The following TOX2 variants were observed in gnomAD, a reference collection of about 807,000 sequenced individuals.
TOX2 encodes TOX high mobility group box family member 2, also known as granulosa cell HMG box 1.
In TOX2, 15 loss-of-function variants were observed where a neutral mutation model predicts 47.4. The ratio of observed to expected loss-of-function variants is 0.32; its 90% CI spans 0.21 to 0.49. The LOEUF is 0.49. Ranked by LOEUF, TOX2 falls within the 20% of genes least tolerant of loss-of-function variation. TOX2 has a pLI of 0.99. For missense variants in TOX2, 622 were observed against 673.1 expected, an observed-to-expected ratio of 0.92 and a Z score of 0.84; for synonymous variants, 290 against 296.6, an observed-to-expected ratio of 0.98 and a Z score of 0.23.
intron 1 of TOX2, among the ~76,000 whole-genome samples, chr20:43,963,101 G>T (rs140250197): frequency 1.3e-5 from 2 of 152,168 alleles, no homozygotes; most frequent in East Asian, 3.9e-4. Flanking sequence ...GAAGCCACGT[G>T]TGGTAAGCGG....
At chr20:43,924,779 T>A (rs2069146890) in intron 1 of TOX2, among the ~76,000 whole-genome samples, 2 of 152,222 alleles carry the variant, frequency 1.3e-5, no homozygotes, top group African/African-American at 2.4e-5. Context: ...TTTTATTTTT[T>A]AAAAATTGAT....
chr20:44,036,994 G>A (rs964764618), intron 3 of TOX2, among the ~76,000 whole-genome samples: 9 of 151,964 alleles, frequency 5.9e-5, no homozygotes, highest in Non-Finnish European at 8.8e-5. Flanking sequence ...TCGCTCTGTC[G>A]CCCAGGCTGG....
chr20:44,063,256 C>T lies in TOX2; in HGVS notation c.880-1521C>T, dbSNP rs150703369. Among the ~76,000 whole-genome samples the T allele has an allele frequency of 4.1e-3, 620 of 152,196 alleles. 4 individuals are homozygous for T. The highest frequency in any genetic ancestry group is 0.014 in the African/African-American group (595 of 41,532). ...ATACTTTCGACAAAGGACTAATATC[C>T]AGAATCTACAAAGGAACTCAAATCA... On this transcript the variant is annotated intron_variant, in intron 5 of 8. Coordinates refer to ENST00000341197, the MANE Select transcript of TOX2 (RefSeq NM_001098797.2).
chr20:43,954,508 T>C (rs780631331), intron 1 of TOX2, among the ~76,000 whole-genome samples: 1 of 152,200 alleles, frequency 6.6e-6, no homozygotes, highest in Non-Finnish European at 1.5e-5. Flanking sequence ...GGAGCTGGTA[T>C]GAAGGGGGCA....
At chr20:44,036,024 T>C (rs574645547) in intron 3 of TOX2, among the ~76,000 whole-genome samples, 1 of 152,300 alleles carries the variant, frequency 6.6e-6, no homozygotes, top group East Asian at 1.9e-4. Flanking sequence ...CATCAGTGAA[T>C]GTAGACCACC....
intron 1 of TOX2, among the ~76,000 whole-genome samples, chr20:43,925,261 C>T (rs75618361): frequency 6.6e-6 from 1 of 151,610 alleles, no homozygotes; most frequent in Admixed American, 6.6e-5. Context: ...GGGAGGGGGG[C>T]ATCTAGATCT....
chr20:43,931,756 G>C (rs1047701298), intron 1 of TOX2, among the ~76,000 whole-genome samples: 5 of 152,228 alleles, frequency 3.3e-5, no homozygotes, highest in Admixed American at 6.5e-5. Context: ...CTGTGGCTCA[G>C]GGGAGAATTG....
chr20:44,059,955 TACAGAATG>T (rs1031093527), intron 5 of TOX2, among the ~76,000 whole-genome samples: 35 of 152,140 alleles, frequency 2.3e-4, no homozygotes, highest in African/African-American at 8.4e-4. Context: ...CACTTAAAAA[TACAGAATG>T]GCAGAATGAA....
chr20:44,043,779 A>G (rs1374963738), intron 3 of TOX2, among the ~76,000 whole-genome samples: 3 of 152,252 alleles, frequency 2.0e-5, no homozygotes, highest in Non-Finnish European at 4.4e-5. Context: ...AAGCATGCCA[A>G]AAATTTATTT....
At chr20:44,042,700 T>G (rs1166135952) in intron 3 of TOX2, among the ~76,000 whole-genome samples, 1 of 152,186 alleles carries the variant, frequency 6.6e-6, no homozygotes, top group Non-Finnish European at 1.5e-5. Context: ...AAAGAAACTT[T>G]GAGACTCAAA....
intron 2 of TOX2, among the ~76,000 whole-genome samples, chr20:43,991,613 TC>T (rs2145550141): frequency 9.6e-6 from 1 of 104,448 alleles, no homozygotes; most frequent in East Asian, 2.8e-4. Flanking sequence ...CAGGCAATAA[TC>T]ATTATTATTA....
intron 5 of TOX2, among the ~76,000 whole-genome samples, chr20:44,060,203 G>T (rs1423936604): frequency 6.6e-6 from 1 of 152,018 alleles, no homozygotes; most frequent in Non-Finnish European, 1.5e-5. Flanking sequence ...AAAATATCAC[G>T]ATCCTAAATT....
rs778012248 is a variant in TOX2, at chr20:44,066,006, C to G, written c.1255C>G (p.Pro419Ala). The G allele has an allele frequency of 1.6e-5, 25 of 1,612,568 alleles. 1 individual carries two copies. In the Admixed American group the frequency reaches 3.7e-4, roughly 24 times the overall value. Residue 419 changes from proline to alanine, a missense_variant, in exon 7 of 9, where the codon CCA (proline) becomes GCA (alanine). Transcript: ENST00000341197. The part of the protein sequence containing the change: ...PPHAQGALLS[P>A]PVSMSPAPQP... ...TCACGCCCAGGGCGCCCTCCTCAGT[C>G]CACCTGTTAGCATGTCCCCAGCCCC...
At chr20:44,017,403 G>T (rs746198937) in intron 3 of TOX2, among the ~76,000 whole-genome samples, 4 of 152,166 alleles carry the variant, frequency 2.6e-5, no homozygotes, top group Non-Finnish European at 5.9e-5. Flanking sequence ...TGTCAACCCG[G>T]CTTTCCCTGG....
chr20:43,956,710 C>T (rs1479726466), intron 1 of TOX2, among the ~76,000 whole-genome samples: 1 of 152,152 alleles, frequency 6.6e-6, no homozygotes, highest in Admixed American at 6.5e-5. Flanking sequence ...TAAGAGTGGC[C>T]ACCATATTGT....
At chr20:43,988,785 G>A (rs956652044) in intron 2 of TOX2, among the ~76,000 whole-genome samples, 2 of 152,188 alleles carry the variant, frequency 1.3e-5, no homozygotes, top group African/African-American at 4.8e-5. Context: ...ATTCACAGGT[G>A]TAGGCACATA....
At chr20:43,924,724 C>G (rs1249881938) in intron 1 of TOX2, among the ~76,000 whole-genome samples, 1 of 152,240 alleles carries the variant, frequency 6.6e-6, no homozygotes, top group Non-Finnish European at 1.5e-5. Flanking sequence ...CCAACTGCAC[C>G]TCATTTTTCT....
intron 3 of TOX2, among the ~76,000 whole-genome samples, chr20:44,036,966 C>A (rs1358852710): frequency 6.6e-6 from 1 of 152,150 alleles, no homozygotes; most frequent in African/African-American, 2.4e-5. Flanking sequence ...CTCTTCTTTT[C>A]TTTTTTGAGA....
chr20:44,062,505 C>T (rs988862831), intron 5 of TOX2, among the ~76,000 whole-genome samples: 4 of 151,984 alleles, frequency 2.6e-5, no homozygotes, highest in Non-Finnish European at 5.9e-5. Flanking sequence ...GTAGATGAAA[C>T]AAATGGAAAC....
Sources: allele counts gnomAD v4.1 joint callset (sites outside exome capture counted in the v4.1 genomes callset), GRCh38; gene constraint gnomAD v4.1.1; transcripts MANE v1.5; gene names NCBI Gene and HGNC (gene_info 2026-07-23, HGNC 2026-07-21).